HS6ST3: variants seen among roughly 807,000 people sequenced by gnomAD.
HS6ST3 encodes heparan-sulfate 6-O-sulfotransferase 3.
HS6ST3 carries 12 observed loss-of-function variants against 36.7 expected under a neutral mutation model. The observed-to-expected ratio is 0.33, with a 90% CI of 0.21 to 0.53. The LOEUF (loss-of-function observed/expected upper bound fraction) is 0.53, where lower values mean the gene tolerates loss of function less well. HS6ST3 is among the 20% of genes least tolerant of loss of function. The probability of loss-of-function intolerance (pLI) is 0.95; values close to 1 mark genes in which losing one functional copy is unlikely to be tolerated. For synonymous variants in HS6ST3, 240 were observed against 257.5 expected, an observed-to-expected ratio of 0.93 and a Z score of 0.65; for missense variants, 584 against 640.9, an observed-to-expected ratio of 0.91 and a Z score of 0.96.
chr13:96,152,029 C>CT (rs1039147680), intron 1 of HS6ST3, among the ~76,000 whole-genome samples: 40 of 152,272 alleles, frequency 2.6e-4, no homozygotes, highest in African/African-American at 8.7e-4. Context: ...TTCAATGTAT[C>CT]TTTTTTGGGT....
intron 1 of HS6ST3, among the ~76,000 whole-genome samples, chr13:96,461,352 T>C (rs2055783362): frequency 6.6e-6 from 1 of 152,132 alleles, no homozygotes; most frequent in Non-Finnish European, 1.5e-5. Context: ...ACAACAAAAT[T>C]TGTTTAATGC....
intron 1 of HS6ST3, among the ~76,000 whole-genome samples, chr13:96,576,767 C>T (rs1446557013): frequency 6.6e-6 from 1 of 151,716 alleles, no homozygotes; most frequent in Non-Finnish European, 1.5e-5. Flanking sequence ...CATTGTGACA[C>T]TCCCATCTCT....
chr13:96,581,915 G>A (rs1189023250), intron 1 of HS6ST3, among the ~76,000 whole-genome samples: 1 of 152,126 alleles, frequency 6.6e-6, no homozygotes, highest in Non-Finnish European at 1.5e-5. Context: ...TGCTGGCTGG[G>A]AAGGCATTTG....
intron 1 of HS6ST3, among the ~76,000 whole-genome samples, chr13:96,294,563 C>G (rs1457548663): frequency 3.3e-5 from 5 of 152,044 alleles, no homozygotes; most frequent in African/African-American, 1.2e-4. Context: ...GAAGATTCCA[C>G]TGGACAGCAC....
intron 1 of HS6ST3, among the ~76,000 whole-genome samples, chr13:96,755,803 G>A (rs1011103876): frequency 7.2e-5 from 11 of 152,134 alleles, no homozygotes; most frequent in Admixed American, 5.9e-4. Context: ...TCTGAACATT[G>A]ATGTATGTAA....
At chr13:96,401,705 G>T (rs1158270104) in intron 1 of HS6ST3, among the ~76,000 whole-genome samples, 2 of 152,062 alleles carry the variant, frequency 1.3e-5, no homozygotes, top group African/African-American at 4.8e-5. Context: ...CTCCCAAGTA[G>T]CTGGGATTAC....
At chr13:96,384,497 A>G (rs1050689310) in intron 1 of HS6ST3, among the ~76,000 whole-genome samples, 3 of 151,988 alleles carry the variant, frequency 2.0e-5, no homozygotes, top group Admixed American at 6.6e-5. Context: ...GTTTTTTTCT[A>G]TTGCTAATAA....
intron 1 of HS6ST3, among the ~76,000 whole-genome samples, chr13:96,284,219 A>G (rs775903496): frequency 2.0e-5 from 3 of 152,106 alleles, no homozygotes; most frequent in Non-Finnish European, 2.9e-5. Context: ...CACAGACCTA[A>G]TAGGATAGAT....
chr13:96,435,598 G>A (rs1246135094), intron 1 of HS6ST3, among the ~76,000 whole-genome samples: 1 of 152,154 alleles, frequency 6.6e-6, no homozygotes, highest in Non-Finnish European at 1.5e-5. Context: ...CCCGAGGAAG[G>A]GGAGCGACAA....
chr13:96,469,878 G>T (rs1476656012), intron 1 of HS6ST3, among the ~76,000 whole-genome samples: 1 of 152,078 alleles, frequency 6.6e-6, no homozygotes, highest in Non-Finnish European at 1.5e-5. Context: ...AAAAATTTCT[G>T]TGCTCTGGTC....
intron 1 of HS6ST3, among the ~76,000 whole-genome samples, chr13:96,630,866 A>C (rs566307268): frequency 6.6e-6 from 1 of 152,250 alleles, no homozygotes; most frequent in Non-Finnish European, 1.5e-5. Flanking sequence ...AGTTGTTGGG[A>C]AAATTCACTT....
chr13:96,716,697 T>C (rs1475924285), intron 1 of HS6ST3, among the ~76,000 whole-genome samples: 1 of 152,204 alleles, frequency 6.6e-6, no homozygotes, highest in Non-Finnish European at 1.5e-5. Flanking sequence ...TCCATCTATA[T>C]AATCTAGATA....
intron 1 of HS6ST3, among the ~76,000 whole-genome samples, chr13:96,136,412 C>T (rs2054001903): frequency 3.9e-5 from 6 of 151,958 alleles, no homozygotes; most frequent in African/African-American, 9.7e-5. Context: ...CAGGAACAGG[C>T]GTCTTACATG....
intron 1 of HS6ST3, among the ~76,000 whole-genome samples, chr13:96,449,749 T>C (rs431500): frequency 0.68 from 104,063 of 152,104 alleles, 37,403 homozygotes; most frequent in African/African-American, 0.91. Flanking sequence ...TTCATTATTA[T>C]AGAGAATGCA....
At chr13:96,473,840 C>T (rs924243139) in intron 1 of HS6ST3, among the ~76,000 whole-genome samples, 2 of 152,140 alleles carry the variant, frequency 1.3e-5, no homozygotes, top group African/African-American at 4.8e-5. Context: ...TCATCAGAAA[C>T]CAGTGAGGAC....
rs1566465298 is a variant in HS6ST3 at position 96,835,420 on chromosome 13, T to G, written c.*2222T>G. 1 of 152,188 alleles carries G rather than the reference T, an allele frequency of 6.6e-6. No individual in the cohort carries two copies. The highest frequency in any genetic ancestry group is 1.5e-5 in the Non-Finnish European group (1 of 68,054). 9.4% of individuals were successfully genotyped at this position (152,188 alleles called of 1,614,324 possible). On this transcript the variant is annotated 3_prime_UTR_variant, in exon 2 of 2. Coordinates refer to ENST00000376705, the MANE Select transcript of HS6ST3 (RefSeq NM_153456.4). ...ATGTTGCTTGTTATTTGGTAGAGATTAGGCTCACAAAATATTTCTCCATTT... is the reference window on the plus strand; with the variant it reads ...ATGTTGCTTGTTATTTGGTAGAGATGAGGCTCACAAAATATTTCTCCATTT...
intron 1 of HS6ST3, among the ~76,000 whole-genome samples, chr13:96,357,485 A>G (rs779735426): frequency 1.3e-5 from 2 of 152,192 alleles, no homozygotes; most frequent in Non-Finnish European, 2.9e-5. Context: ...GTCTCAGGGA[A>G]TAGAGAGGCA....
At chr13:96,658,268 C>CTT (rs71213623) in intron 1 of HS6ST3, among the ~76,000 whole-genome samples, 19 of 76,154 alleles carry the variant, frequency 2.5e-4, no homozygotes, top group South Asian at 1.1e-3. Context: ...TCTTCTTCTT[C>CTT]TTTTTTTTTT....
intron 1 of HS6ST3, among the ~76,000 whole-genome samples, chr13:96,595,511 G>A (rs915476539): frequency 6.6e-6 from 1 of 151,080 alleles, no homozygotes; most frequent in African/African-American, 2.4e-5. Flanking sequence ...ATTAGAATAT[G>A]TCTTAGGGTA....
Sources: allele counts gnomAD v4.1 joint callset (sites outside exome capture counted in the v4.1 genomes callset), GRCh38; gene constraint gnomAD v4.1.1; transcripts MANE v1.5; gene names NCBI Gene and HGNC (gene_info 2026-07-23, HGNC 2026-07-21).